The following ARHGAP15 variants were observed in gnomAD, a reference collection of about 807,000 sequenced individuals.
ARHGAP15 encodes the protein rho GTPase-activating protein 15.
ARHGAP15 carries 51 observed loss-of-function variants against 63.7 expected under a neutral mutation model. The ratio of observed to expected loss-of-function variants is 0.80; its 90% CI spans 0.64 to 1.01. The LOEUF is 1.01. ARHGAP15 is among the 50% of genes least tolerant of loss of function. ARHGAP15 has a pLI of 0.00. For missense variants in ARHGAP15, 560 were observed against 564.6 expected (o/e 0.99, Z 0.08); for synonymous variants, 191 against 193.8 (o/e 0.99, Z 0.12).
At chr2:143,520,668 A>C (rs1324815007) in intron 10 of ARHGAP15, among the ~76,000 whole-genome samples, 1 of 151,814 alleles carries the variant, frequency 6.6e-6, no homozygotes, top group Non-Finnish European at 1.5e-5. Context: ...TTTAGGAATA[A>C]ATATTCTTTG....
In ARHGAP15 at chr2:143,679,924, T is replaced by A. The variant is rs566594973; in HGVS notation, c.1139-23495T>A. Among the ~76,000 whole-genome samples the A allele has an allele frequency of 3.3e-5, 5 of 151,218 alleles. No homozygotes were observed. In the East Asian group the frequency reaches 9.7e-4, roughly 29 times the overall value. ...CTGTTCATAGCAAATTATGTTCACA[T>A]TGATGAATTGAGTTTTTATGAGCAT... is the stretch of plus-strand genomic sequence containing the variant. On this transcript the variant is annotated intron_variant, in intron 12 of 13. Coordinates refer to ENST00000295095, the MANE Select transcript of ARHGAP15 (RefSeq NM_018460.4).
chr2:143,755,699 G>A (rs906903269), intron 13 of ARHGAP15, among the ~76,000 whole-genome samples: 2 of 152,124 alleles, frequency 1.3e-5, no homozygotes, highest in Admixed American at 6.5e-5. Flanking sequence ...AAACTGGCCA[G>A]GTGTGGTGGC....
At chr2:143,187,816 G>T (rs1203927046) in intron 2 of ARHGAP15, among the ~76,000 whole-genome samples, 1 of 152,136 alleles carries the variant, frequency 6.6e-6, no homozygotes, top group African/African-American at 2.4e-5. Flanking sequence ...TATCCAATTA[G>T]GTGGGAGAAT....
intron 6 of ARHGAP15, among the ~76,000 whole-genome samples, chr2:143,320,411 C>CCCCCCCCCCCCCCCCCCCCCCCCCG (rs1683960781): frequency 2.5e-5 from 1 of 40,694 alleles, no homozygotes; most frequent in African/African-American, 6.1e-5. Flanking sequence ...CTTCCCCACC[C>CCCCCCCCCCCCCCCCCCCCCCCCCG]CCCCCCCCCC....
intron 11 of ARHGAP15, among the ~76,000 whole-genome samples, chr2:143,604,249 A>G (rs1697895867): frequency 6.6e-6 from 1 of 152,180 alleles, no homozygotes; most frequent in South Asian, 2.1e-4. Context: ...TTCAGGTTAT[A>G]ATATAGGGTT....
intron 13 of ARHGAP15, among the ~76,000 whole-genome samples, chr2:143,722,771 G>A (rs1157153821): frequency 6.6e-6 from 1 of 152,178 alleles, no homozygotes; most frequent in Non-Finnish European, 1.5e-5. Flanking sequence ...AACCAAGAGG[G>A]AACCAGGATA....
At chr2:143,225,666 A>T (rs904848980) in intron 4 of ARHGAP15, among the ~76,000 whole-genome samples, 1 of 152,224 alleles carries the variant, frequency 6.6e-6, no homozygotes, top group East Asian at 1.9e-4. Context: ...AGTAACGAAC[A>T]GATTATAGGT....
intron 6 of ARHGAP15, among the ~76,000 whole-genome samples, chr2:143,271,483 G>A (rs1444643754): frequency 2.0e-5 from 3 of 152,138 alleles, no homozygotes; most frequent in Non-Finnish European, 4.4e-5. Flanking sequence ...TTGTTTGTTT[G>A]TTTGCTTGTT....
At chr2:143,502,341 A>T (rs1449799457) in intron 9 of ARHGAP15, among the ~76,000 whole-genome samples, 1 of 151,866 alleles carries the variant, frequency 6.6e-6, no homozygotes, top group Non-Finnish European at 1.5e-5. Context: ...CCTGGGAGGC[A>T]GAGGTTGAAG....
intron 2 of ARHGAP15, among the ~76,000 whole-genome samples, chr2:143,184,896 T>C (rs1430110021): frequency 2.0e-5 from 3 of 151,382 alleles, no homozygotes; most frequent in Non-Finnish European, 4.4e-5. Flanking sequence ...TGGCTCAGAC[T>C]GGTCTCACAC....
In ARHGAP15 at chr2:143,519,276, T is replaced by TGCA; in HGVS notation, c.838_839insCAG (p.Phe279_Gly280insAla). The TGCA allele has an allele frequency of 1.2e-6, 2 of 1,612,530 alleles. No homozygotes were observed. Among genetic ancestry groups the TGCA allele is most frequent in the South Asian group, 2.2e-5 (2 of 90,986 alleles). On this transcript the variant is annotated inframe_insertion, in exon 10 of 14. Coordinates refer to ENST00000295095, the MANE Select transcript of ARHGAP15 (RefSeq NM_018460.4). ...TTGTTTCTTTTGCAGATCAAATTTT[T>TGCA]GGCTCTCATCTGCACAAAGTGTGTG... is the stretch of plus-strand genomic sequence containing the variant.
intron 11 of ARHGAP15, among the ~76,000 whole-genome samples, chr2:143,623,179 C>T (rs1040536212): frequency 2.6e-5 from 4 of 152,206 alleles, no homozygotes; most frequent in Non-Finnish European, 4.4e-5. Context: ...TTGTACCTCG[C>T]TTCCTTTTAA....
At chr2:143,210,691 G>A (rs1692529553) in intron 3 of ARHGAP15, among the ~76,000 whole-genome samples, 1 of 152,096 alleles carries the variant, frequency 6.6e-6, no homozygotes, top group Admixed American at 6.6e-5. Flanking sequence ...ATATAAATAA[G>A]TTGAAATGAG....
At chr2:143,419,986 C>A (rs573589478) in intron 6 of ARHGAP15, among the ~76,000 whole-genome samples, 1 of 152,148 alleles carries the variant, frequency 6.6e-6, no homozygotes, top group South Asian at 2.1e-4. Context: ...AGACCTTAGA[C>A]GGCAGGTTTA....
At chr2:143,144,166 G>T (rs988193212) in intron 1 of ARHGAP15, among the ~76,000 whole-genome samples, 5 of 151,906 alleles carry the variant, frequency 3.3e-5, no homozygotes, top group Non-Finnish European at 7.4e-5. Context: ...GTCTATTGTT[G>T]ATGGGCATTT....
At chr2:143,226,669 G>C (rs1693225174) in intron 4 of ARHGAP15, among the ~76,000 whole-genome samples, 1 of 152,116 alleles carries the variant, frequency 6.6e-6, no homozygotes, top group Non-Finnish European at 1.5e-5. Flanking sequence ...TCTGGGTTTT[G>C]TTTTTTCATC....
intron 3 of ARHGAP15, among the ~76,000 whole-genome samples, chr2:143,213,535 A>G (rs1343690235): frequency 6.6e-6 from 1 of 152,166 alleles, no homozygotes; most frequent in East Asian, 1.9e-4. Flanking sequence ...AAAATAAAGA[A>G]GATGAAGGAA....
intron 6 of ARHGAP15, among the ~76,000 whole-genome samples, chr2:143,315,833 C>A (rs1233890010): frequency 6.8e-6 from 1 of 147,434 alleles, no homozygotes; most frequent in Non-Finnish European, 1.5e-5. Flanking sequence ...GCCTGTAATC[C>A]CAGCACTTTG....
chr2:143,519,194 T>A (rs1693952412), intron 9 of ARHGAP15, 72 bp from the exon 10 acceptor site: 2 of 1,195,906 alleles, frequency 1.7e-6, no homozygotes, highest in Admixed American at 3.6e-5. Context: ...GCAATGGATA[T>A]GGAAACGGAA....
Sources: gnomAD v4.1 joint callset for allele counts (sites outside exome capture counted in the v4.1 genomes callset) on GRCh38, gnomAD v4.1.1 for gene constraint, MANE v1.5 for transcripts, NCBI Gene and HGNC (gene_info 2026-07-23, HGNC 2026-07-21) for gene names.